Variants in CDON observed in about 807,000 individuals in gnomAD.
CDON encodes cell adhesion associated, oncogene regulated, also known as cell adhesion molecule-related/down-regulated by oncogenes.
CDON carries 73 observed loss-of-function variants against 120.9 expected under a neutral mutation model. The ratio of observed to expected loss-of-function variants is 0.60; its 90% CI spans 0.50 to 0.73. The LOEUF (loss-of-function observed/expected upper bound fraction) is 0.73, where lower values mean the gene tolerates loss of function less well. Ranked by LOEUF, CDON falls within the 30% of genes least tolerant of loss-of-function variation. CDON has a pLI of 0.00. For missense variants in CDON, 1,470 were observed against 1,587.3 expected, an observed-to-expected ratio of 0.93 and a Z score of 1.26; for synonymous variants, 566 against 573.5, an observed-to-expected ratio of 0.99 and a Z score of 0.19.
intron 2 of CDON, 39 bp downstream of exon 2, chr11:126,023,362 G>A: frequency 1.6e-6 from 2 of 1,287,986 alleles, no homozygotes; most frequent in Non-Finnish European, 2.3e-6. Context: ...ATTAAGATGA[G>A]TAAAGGCCAA....
At chr11:125,962,945 G>GT (rs1945687207) in intron 18 of CDON, among the ~76,000 whole-genome samples, 1 of 152,082 alleles carries the variant, frequency 6.6e-6, no homozygotes, top group Non-Finnish European at 1.5e-5. Flanking sequence ...CTCAGAGTCT[G>GT]TTTCTATTGA....
At chr11:126,059,232 C>G (rs969124427) in intron 1 of CDON, among the ~76,000 whole-genome samples, 2 of 152,184 alleles carry the variant, frequency 1.3e-5, no homozygotes, top group African/African-American at 4.8e-5. Flanking sequence ...AGAAAACTTA[C>G]CAAGTCTGCA....
Position 125,983,999 on chromosome 11 carries a change from G to T in CDON, c.2868C>A (p.Thr956=), listed in dbSNP as rs555794519. Residue 956 remains threonine, a synonymous_variant, in exon 16 of 20, where the codon ACC becomes ACA. Coordinates refer to ENST00000531738, the MANE Select transcript of CDON (RefSeq NM_001378964.1). Reference sequence around the variant, plus strand: ...ACATGTCACTGCTTCTGGCAGGGCTGGTTGCAGGCCCCACATTTCCTCCAC... The same window carrying T: ...ACATGTCACTGCTTCTGGCAGGGCTTGTTGCAGGCCCCACATTTCCTCCAC... ...LGSGGNVGPA[T]SPARSSDMLY... The T allele has an allele frequency of 1.2e-4, 201 of 1,614,062 alleles. 3 individuals carry two copies. In the South Asian group the frequency reaches 2.1e-3, roughly 17 times the overall value.
chr11:126,010,949 A>G, intron 7 of CDON: 1 of 528,264 alleles, frequency 1.9e-6, no homozygotes, highest in South Asian at 1.5e-5. Context: ...ATATAAAGAA[A>G]TCTTTTGAGA....
chr11:125,971,730 C>T (rs1487269814), intron 18 of CDON, among the ~76,000 whole-genome samples: 3 of 152,108 alleles, frequency 2.0e-5, no homozygotes, highest in Non-Finnish European at 4.4e-5. Context: ...TACGACCCTT[C>T]GAGTTAATTT....
At chr11:125,973,365 T>C (rs1946058798) in intron 18 of CDON, among the ~76,000 whole-genome samples, 2 of 152,122 alleles carry the variant, frequency 1.3e-5, no homozygotes, top group South Asian at 4.1e-4. Flanking sequence ...ACCCCGTCTC[T>C]ACTAAAAATG....
At chr11:125,997,930 G>C (rs970506723) in intron 11 of CDON, among the ~76,000 whole-genome samples, 2 of 152,192 alleles carry the variant, frequency 1.3e-5, no homozygotes, top group Admixed American at 1.3e-4. Context: ...GTGGCAAAGA[G>C]AGATAAAATC....
chr11:126,019,680 C>A lies in CDON; in HGVS notation c.435G>T (p.Glu145Asp). The A allele has an allele frequency of 6.2e-7, 1 of 1,614,158 alleles. No individual in the cohort carries two copies. The highest frequency in any genetic ancestry group is 8.5e-7 in the Non-Finnish European group (1 of 1,179,996). ...AGCGCACCTCAGCTTTGGGGTTACT[C>A]TCCGGTACCCTGCAGCCAATGAAAC... ...SAGFIGCRVP[E>D]SNPKAEVRYK... The change falls in exon 4 of 20, where the codon GAG becomes GAT. Residue 145 changes from glutamate to aspartate, a missense_variant. Coordinates refer to ENST00000531738, the MANE Select transcript of CDON (RefSeq NM_001378964.1).
intron 1 of CDON, among the ~76,000 whole-genome samples, chr11:126,047,999 C>T (rs368481454): frequency 1.3e-5 from 2 of 152,008 alleles, no homozygotes; most frequent in Non-Finnish European, 2.9e-5. Flanking sequence ...GGTCTTCAGC[C>T]GTCGTGGTGG....
In CDON at chr11:126,005,814, C is replaced by T; in HGVS notation, c.1796G>A (p.Arg599Lys). Reference protein sequence around the residue: ...HTPDTYNLVWRAGKDGGLPIN... With the variant: ...HTPDTYNLVWKAGKDGGLPIN... ...GGGCAGCCCACCATCCTTGCCTGCC[C>T]TCCACACCAGGTTGTACGTGTCTGG... Residue 599 changes from arginine (R) to lysine (K), a missense_variant, in exon 9 of 20, where the codon AGG becomes AAG. Physicochemically the swap from Arg to Lys is conservative, Grantham distance 26. Coordinates refer to ENST00000531738, the MANE Select transcript of CDON (RefSeq NM_001378964.1). The T allele has an allele frequency of 6.2e-7, 1 of 1,614,132 alleles. No homozygotes were observed. The highest frequency in any genetic ancestry group is 8.5e-7 in the Non-Finnish European group (1 of 1,180,020).
At chr11:126,029,099 G>C (rs1947880501) in intron 1 of CDON, among the ~76,000 whole-genome samples, 1 of 152,158 alleles carries the variant, frequency 6.6e-6, no homozygotes, top group South Asian at 2.1e-4. Context: ...ATATGGTTTA[G>C]ATCCTCACAC....
At chr11:125,984,117 A>G (rs369898605) in intron 15 of CDON, 24 bp from the exon 16 acceptor site, 4 of 1,504,134 alleles carry the variant, frequency 2.7e-6, no homozygotes, top group Admixed American at 1.7e-5. Flanking sequence ...AAAGGAAAAC[A>G]TGATGTCAGA....
At chr11:125,994,809 TATTAA>T (rs1290427910) in intron 13 of CDON, 57 bp downstream of exon 13, 3 of 1,403,074 alleles carry the variant, frequency 2.1e-6, no homozygotes, top group Non-Finnish European at 3.0e-6. Context: ...GTCATGAGAA[TATTAA>T]ATTGATTGTT....
In CDON at chr11:126,002,489, T is replaced by TA. The variant is rs1384417005; in HGVS notation, c.2027-640dup. The stretch of plus-strand genomic sequence containing the variant: ...CTCAATCTTCATACCTCCTTTTCGT[T>TA]ACAGTGCCATACTAAAATACTCTTC... On this transcript the variant is annotated intron_variant, in intron 10 of 19. Coordinates refer to ENST00000531738, the MANE Select transcript of CDON (RefSeq NM_001378964.1). 3.3e-5 allele frequency among the ~76,000 whole-genome samples: 5 copies of TA among 152,190 alleles called. No individual in the cohort carries two copies. In the South Asian group the frequency reaches 1.0e-3, roughly 32 times the overall value.
chr11:126,009,341 T>C (rs1947225210), intron 8 of CDON, among the ~76,000 whole-genome samples: 1 of 152,230 alleles, frequency 6.6e-6, no homozygotes. Flanking sequence ...GGACCCCCCG[T>C]TGACCACTGC....
At chr11:126,036,922 A>T (rs1396317474) in intron 1 of CDON, among the ~76,000 whole-genome samples, 1 of 152,212 alleles carries the variant, frequency 6.6e-6, no homozygotes, top group African/African-American at 2.4e-5. Context: ...TCCTGGCCTC[A>T]ATCGATCTGC....
intron 4 of CDON, 63 bp from the exon 5 acceptor site, chr11:126,018,536 A>G: frequency 7.2e-7 from 1 of 1,381,560 alleles, no homozygotes; most frequent in Non-Finnish European, 1.0e-6. Context: ...AGCACAACTA[A>G]AACTCACAAA....
At chr11:126,040,962 G>A (rs867810106) in intron 1 of CDON, among the ~76,000 whole-genome samples, 13 of 151,378 alleles carry the variant, frequency 8.6e-5, no homozygotes, top group Non-Finnish European at 1.9e-4. Flanking sequence ...AGGCCGAGGC[G>A]GGCGGATCAC....
intron 1 of CDON, among the ~76,000 whole-genome samples, chr11:126,025,764 TAGG>T (rs143347544): frequency 0.024 from 3,606 of 152,158 alleles, 144 homozygotes; most frequent in African/African-American, 0.082. Context: ...AAGACTATCC[TAGG>T]AGGTGGGAAT....
Sources: allele counts gnomAD v4.1 joint callset (sites outside exome capture counted in the v4.1 genomes callset), GRCh38; gene constraint gnomAD v4.1.1; transcripts MANE v1.5; gene names NCBI Gene and HGNC (gene_info 2026-07-23, HGNC 2026-07-21).